The following CNTN6 variants were observed in gnomAD, a reference collection of about 807,000 sequenced individuals.
CNTN6 encodes contactin-6.
Under a neutral mutation model 122.8 loss-of-function variants are expected in CNTN6, and 137 were observed. The ratio of observed to expected loss-of-function variants is 1.12; its 90% confidence interval spans 0.97 to 1.29. The LOEUF (loss-of-function observed/expected upper bound fraction) is 1.29. Among genes scored for constraint, CNTN6 ranks in the 50% most tolerant of loss-of-function variants. The pLI, the probability that CNTN6 is intolerant of heterozygous loss-of-function variation, is 0.00. For missense variants in CNTN6, 1,634 were observed against 1,223.4 expected, an observed-to-expected ratio of 1.34 and a Z score of -5.01; for synonymous variants, 570 against 426.0, an observed-to-expected ratio of 1.34 and a Z score of -4.16.
chr3:1,384,300 C>A (rs910792785), intron 19 of CNTN6, among the ~76,000 whole-genome samples: 1 of 150,782 alleles, frequency 6.6e-6, no homozygotes, highest in African/African-American at 2.4e-5. Flanking sequence ...TTTTTTTTCC[C>A]TTGGTAAGAG....
chr3:1,173,212 A>G (rs1030040021), intron 2 of CNTN6: 47 of 456,648 alleles, frequency 1.0e-4, no homozygotes, highest in African/African-American at 9.0e-4. Context: ...AGAAAAGTTT[A>G]TATCAGTCCA....
chr3:1,105,807 G>A (rs1574860932), intron 1 of CNTN6, among the ~76,000 whole-genome samples: 2 of 152,108 alleles, frequency 1.3e-5, no homozygotes, highest in African/African-American at 4.8e-5. Flanking sequence ...TGATCATTAA[G>A]TGCCTGCTTA....
chr3:1,243,454 A>G (rs367788976), intron 4 of CNTN6, among the ~76,000 whole-genome samples: 10 of 152,202 alleles, frequency 6.6e-5, no homozygotes, highest in African/African-American at 9.6e-5. Context: ...GTGGGGTTTG[A>G]GGGCCGGAAT....
chr3:1,350,555 A>G (rs1209928774), intron 11 of CNTN6, among the ~76,000 whole-genome samples: 1 of 151,866 alleles, frequency 6.6e-6, no homozygotes, highest in Non-Finnish European at 1.5e-5. Flanking sequence ...AATGATGGCA[A>G]TTTCAACTCG....
chr3:1,214,956 C>T (rs970260991), intron 2 of CNTN6, among the ~76,000 whole-genome samples: 3 of 152,060 alleles, frequency 2.0e-5, no homozygotes, highest in Non-Finnish European at 4.4e-5. Context: ...CAGGGTCTCC[C>T]TATAGTACCC....
At chr3:1,106,770 C>A (rs193142474) in intron 1 of CNTN6, among the ~76,000 whole-genome samples, 2 of 152,152 alleles carry the variant, frequency 1.3e-5, no homozygotes, top group East Asian at 3.9e-4. Context: ...TCTCTGGGCT[C>A]ATGGTTAGCC....
chr3:1,297,653 T>TTTA (rs1553666485), intron 6 of CNTN6, among the ~76,000 whole-genome samples: 1 of 148,244 alleles, frequency 6.7e-6, no homozygotes, highest in Non-Finnish European at 1.5e-5. Flanking sequence ...TTTTTTTTTT[T>TTTA]ATTAATCAGA....
intron 12 of CNTN6, among the ~76,000 whole-genome samples, chr3:1,364,788 A>C (rs1707973368): frequency 6.6e-6 from 1 of 151,980 alleles, no homozygotes; most frequent in South Asian, 2.1e-4. Flanking sequence ...CTATTATGAA[A>C]TGTGAATTTC....
chr3:1,141,866 A>G (rs2092615687), intron 1 of CNTN6, among the ~76,000 whole-genome samples: 1 of 152,142 alleles, frequency 6.6e-6, no homozygotes, highest in Non-Finnish European at 1.5e-5. Flanking sequence ...ACCTTTCAGA[A>G]GCTTATTACA....
intron 7 of CNTN6, among the ~76,000 whole-genome samples, chr3:1,319,936 T>A (rs998696581): frequency 1.3e-5 from 2 of 151,600 alleles, no homozygotes; most frequent in East Asian, 3.9e-4. Flanking sequence ...ATACAACATA[T>A]GCATTTTTAA....
rs147224770 is a variant in CNTN6 at position 1,321,755 on chromosome 3, A to T, written c.867A>T (p.Gln289His). 3.1e-6 allele frequency: 5 copies of T among 1,611,882 alleles called. No homozygotes were observed. The African/African-American group carries it at 5.4e-5, about 17-fold the overall frequency. The change falls in exon 8 of 23, where the codon CAA becomes CAT. Residue 289 changes from glutamine (Q) to histidine (H), a missense_variant. Transcript: ENST00000446702. ...TCCTTGAAATCCCGAACTTCCAACA[A>T]GAAGATGAAGGCTTTTATGAGTGCA... ...QAILEIPNFQ[Q>H]EDEGFYECIA...
intron 17 of CNTN6, among the ~76,000 whole-genome samples, chr3:1,381,660 C>T (rs1180584269): frequency 6.6e-6 from 1 of 152,174 alleles, no homozygotes; most frequent in South Asian, 2.1e-4. Flanking sequence ...ATTTCCTTTA[C>T]TTCCAGTTTT....
At chr3:1,320,343 T>C (rs1051951264) in intron 7 of CNTN6, among the ~76,000 whole-genome samples, 2 of 151,670 alleles carry the variant, frequency 1.3e-5, no homozygotes, top group Non-Finnish European at 1.5e-5. Context: ...TTGATGTACA[T>C]AGGAGGATAA....
chr3:1,289,864 C>A (rs879760055), intron 5 of CNTN6, among the ~76,000 whole-genome samples: 1 of 151,002 alleles, frequency 6.6e-6, no homozygotes, highest in African/African-American at 2.4e-5. Context: ...TTGGTAGAGA[C>A]GGGGTTTCAC....
At chr3:1,123,615 G>T (rs1270607997) in intron 1 of CNTN6, among the ~76,000 whole-genome samples, 2 of 151,856 alleles carry the variant, frequency 1.3e-5, no homozygotes, top group Non-Finnish European at 2.9e-5. Context: ...GTAAGATTAT[G>T]CAATCTGCAA....
chr3:1,380,830 C>T lies in CNTN6; in HGVS notation c.2167-2112C>T, dbSNP rs140495431. Among the ~76,000 whole-genome samples the T allele has an allele frequency of 4.1e-3, 629 of 152,314 alleles. 4 individuals are homozygous for T. The highest frequency in any genetic ancestry group is 0.014 in the African/African-American group (600 of 41,566). On this transcript the variant is annotated intron_variant, in intron 17 of 22. Transcript: ENST00000446702. ...GTCTGTACTAAAGATTTGGTTCTTA[C>T]AGACACTGTGGTTGAGAATTACATT...
chr3:1,194,603 C>T (rs1159418449), intron 2 of CNTN6, among the ~76,000 whole-genome samples: 2 of 152,046 alleles, frequency 1.3e-5, no homozygotes, highest in Non-Finnish European at 2.9e-5. Context: ...AGTTCATTAT[C>T]ACCCTCCTCT....
intron 7 of CNTN6, among the ~76,000 whole-genome samples, chr3:1,298,881 C>T (rs1340387080): frequency 6.6e-6 from 1 of 152,088 alleles, no homozygotes; most frequent in African/African-American, 2.4e-5. Flanking sequence ...GCTCGGAGGG[C>T]TTACCTCTAA....
In CNTN6 at chr3:1,321,656, C is replaced by G; in HGVS notation, c.768C>G (p.Val256=). The G allele has an allele frequency of 1.2e-6, 2 of 1,610,500 alleles. No individual in the cohort carries two copies. The highest frequency in any genetic ancestry group is 1.1e-5 in the South Asian group (1 of 90,878). The change falls in exon 8 of 23, where the codon GTC becomes GTG. Residue 256 remains valine, a synonymous_variant. Transcript: ENST00000446702. The part of the protein sequence containing the change: ...KLECFALGNP[V]PDISWRRLDG... ...ATGAGGTGTAACTGTTTAGTCCAGT[C>G]CCCGATATTAGTTGGAGAAGGTTGG...
Sources: allele counts gnomAD v4.1 joint callset (sites outside exome capture counted in the v4.1 genomes callset), GRCh38; gene constraint gnomAD v4.1.1; transcripts MANE v1.5; gene names NCBI Gene and HGNC (gene_info 2026-07-23, HGNC 2026-07-21).